The following ST8SIA1 variants were observed in gnomAD, a reference collection of about 807,000 sequenced individuals.
ST8SIA1 encodes the protein ST8 alpha-N-acetyl-neuraminide alpha-2,8-sialyltransferase 1.
Under a neutral mutation model 35.9 loss-of-function variants are expected in ST8SIA1, and 16 were observed. The observed-to-expected ratio is 0.45, with a 90% CI of 0.30 to 0.68. The LOEUF is 0.68. Among genes scored for constraint, ST8SIA1 ranks in the 30% least tolerant of loss-of-function variants. The pLI, the probability that ST8SIA1 is intolerant of heterozygous loss-of-function variation, is 0.09. For missense variants in ST8SIA1, 383 were observed against 453.6 expected, an observed-to-expected ratio of 0.84 and a Z score of 1.41; for synonymous variants, 170 against 169.6, an observed-to-expected ratio of 1.00 and a Z score of -0.02.
At chr12:22,209,287 C>T (rs971789224) in intron 4 of ST8SIA1, among the ~76,000 whole-genome samples, 1 of 152,076 alleles carries the variant, frequency 6.6e-6, no homozygotes, top group East Asian at 1.9e-4. Flanking sequence ...AGAACACAAA[C>T]AATAAAAATT....
intron 2 of ST8SIA1, among the ~76,000 whole-genome samples, chr12:22,265,212 T>A (rs1865833015): frequency 6.6e-6 from 1 of 152,210 alleles, no homozygotes; most frequent in South Asian, 2.1e-4. Context: ...TCCTCAAAAC[T>A]GTTTTCTTTT....
chr12:22,248,565 A>C (rs1865630704), intron 4 of ST8SIA1, among the ~76,000 whole-genome samples: 1 of 152,216 alleles, frequency 6.6e-6, no homozygotes, highest in Non-Finnish European at 1.5e-5. Flanking sequence ...ATTCTTGTCC[A>C]TTCTGACAAT....
chr12:22,202,739 A>C (rs573354318), intron 4 of ST8SIA1, among the ~76,000 whole-genome samples: 1 of 152,352 alleles, frequency 6.6e-6, no homozygotes, highest in East Asian at 1.9e-4. Context: ...TATGGAATAC[A>C]GATGAAAAAA....
At position 22,204,180 on chromosome 12, in the gene ST8SIA1, C is replaced by CAA. The variant is rs3216627; in HGVS notation, c.585-2144_585-2143dup. On this transcript the variant is annotated intron_variant, in intron 4 of 4. Coordinates refer to ENST00000396037, the MANE Select transcript of ST8SIA1 (RefSeq NM_003034.4). ...TGTTCCAAAGTGGATCTCTCCTCTT[C>CAA]AAAAAAAAAATCAACCTCTCCATCT... Among the ~76,000 whole-genome samples the CAA allele has an allele frequency of 4.1e-4, 61 of 150,336 alleles. No homozygotes were observed. In the South Asian group the frequency reaches 4.4e-3, roughly 11 times the overall value.
chr12:22,272,267 T>C (rs1028036654), intron 2 of ST8SIA1, among the ~76,000 whole-genome samples: 7 of 152,250 alleles, frequency 4.6e-5, no homozygotes, highest in Non-Finnish European at 1.0e-4. Flanking sequence ...GGCCATTTCC[T>C]TGAAATGTAA....
intron 2 of ST8SIA1, among the ~76,000 whole-genome samples, chr12:22,260,694 G>A (rs192437532): frequency 2.4e-3 from 369 of 152,110 alleles, no homozygotes; most frequent in Non-Finnish European, 4.5e-3. Flanking sequence ...AAAATAAGGT[G>A]AGGCATTTAC....
intron 4 of ST8SIA1, among the ~76,000 whole-genome samples, chr12:22,210,973 C>A (rs571490305): frequency 6.6e-6 from 1 of 152,124 alleles, no homozygotes; most frequent in Non-Finnish European, 1.5e-5. Context: ...CCACTTTCTG[C>A]GTGTCATTTT....
chr12:22,324,090 A>T (rs1866641542), intron 1 of ST8SIA1, among the ~76,000 whole-genome samples: 3 of 152,220 alleles, frequency 2.0e-5, no homozygotes, highest in Admixed American at 2.0e-4. Context: ...GTTATTCATG[A>T]TCATAAAAAT....
chr12:22,202,142 A>G, intron 4 of ST8SIA1, 104 bp from the exon 5 acceptor site: 1 of 969,096 alleles, frequency 1.0e-6, no homozygotes, highest in Non-Finnish European at 1.5e-6. Context: ...AAATCATCTC[A>G]ATGAAACACA....
chr12:22,282,521 T>G (rs984285781), intron 2 of ST8SIA1, among the ~76,000 whole-genome samples: 1 of 152,202 alleles, frequency 6.6e-6, no homozygotes, highest in Non-Finnish European at 1.5e-5. Flanking sequence ...TTACTCCTTC[T>G]TTTTGCTGGG....
chr12:22,268,837 A>G (rs925486541), intron 2 of ST8SIA1, among the ~76,000 whole-genome samples: 1 of 151,536 alleles, frequency 6.6e-6, no homozygotes, highest in Non-Finnish European at 1.5e-5. Flanking sequence ...CCATATCACC[A>G]AAGCAGCAGG....
intron 1 of ST8SIA1, 66 bp from the exon 2 acceptor site, chr12:22,287,359 G>C (rs1436890934): frequency 6.5e-7 from 1 of 1,529,128 alleles, no homozygotes; most frequent in African/African-American, 1.4e-5. Flanking sequence ...TCATTCACTT[G>C]TCATTCCCAC....
At chr12:22,235,086 A>ATATGATTT (rs1421568049) in intron 4 of ST8SIA1, among the ~76,000 whole-genome samples, 1 of 152,130 alleles carries the variant, frequency 6.6e-6, no homozygotes, top group Non-Finnish European at 1.5e-5. Flanking sequence ...TGTGTGTCCA[A>ATATGATTT]AGAGATTCAG....
intron 4 of ST8SIA1, among the ~76,000 whole-genome samples, chr12:22,235,225 C>T (rs1340560643): frequency 6.6e-6 from 1 of 152,050 alleles, no homozygotes; most frequent in African/African-American, 2.4e-5. Flanking sequence ...GAAACTTATA[C>T]AGATATGTTT....
intron 1 of ST8SIA1, among the ~76,000 whole-genome samples, chr12:22,296,202 G>C (rs1046416173): frequency 3.3e-5 from 5 of 152,182 alleles, no homozygotes; most frequent in Admixed American, 2.0e-4. Flanking sequence ...GGGACGGACT[G>C]GTGTATTGGG....
At chr12:22,319,956 A>C (rs1475537518) in intron 1 of ST8SIA1, among the ~76,000 whole-genome samples, 1 of 152,190 alleles carries the variant, frequency 6.6e-6, no homozygotes, top group Non-Finnish European at 1.5e-5. Flanking sequence ...GGTAAGCCCC[A>C]TAAAAAGGAG....
At chr12:22,249,191 T>C in intron 3 of ST8SIA1, 93 bp from the exon 4 acceptor site, 1 of 849,304 alleles carries the variant, frequency 1.2e-6, no homozygotes, top group East Asian at 2.6e-5. Context: ...TAATTCTAGC[T>C]GAATTCACGA....
intron 3 of ST8SIA1, among the ~76,000 whole-genome samples, chr12:22,251,498 T>G (rs1284982886): frequency 6.6e-6 from 1 of 152,200 alleles, no homozygotes; most frequent in African/African-American, 2.4e-5. Context: ...TGTAAGTTCT[T>G]CTGGGTAAAC....
At chr12:22,242,459 T>C (rs916249237) in intron 4 of ST8SIA1, among the ~76,000 whole-genome samples, 1 of 152,178 alleles carries the variant, frequency 6.6e-6, no homozygotes, top group African/African-American at 2.4e-5. Context: ...TGACAATATA[T>C]ATATTTAAAG....
Sources: gnomAD v4.1 joint callset for allele counts (sites outside exome capture counted in the v4.1 genomes callset) on GRCh38, gnomAD v4.1.1 for gene constraint, MANE v1.5 for transcripts, NCBI Gene and HGNC (gene_info 2026-07-23, HGNC 2026-07-21) for gene names.